The following BRINP1 variants were observed in gnomAD, a reference collection of about 807,000 sequenced individuals.
The protein encoded by BRINP1 is BMP/retinoic acid inducible neural specific 1, also known as BMP/retinoic acid-inducible neural-specific protein 1.
A neutral mutation model predicts 72.9 loss-of-function variants in BRINP1; 17 were observed. The observed-to-expected ratio is 0.23, with a 90% CI of 0.16 to 0.35. BRINP1 has a LOEUF of 0.35. BRINP1 is among the 10% of genes least tolerant of loss of function. BRINP1 has a pLI of 1.00. For missense variants in BRINP1, 850 were observed against 1,001.6 expected (o/e 0.85, Z 2.04); for synonymous variants, 418 against 378.5 (o/e 1.10, Z -1.21).
intron 1 of BRINP1, among the ~76,000 whole-genome samples, chr9:119,314,477 T>C (rs975326886): frequency 2.6e-5 from 4 of 152,210 alleles, no homozygotes; most frequent in Non-Finnish European, 5.9e-5. Flanking sequence ...GTGATTCTTC[T>C]GCCTCAGCCC....
At chr9:119,238,450 G>A (rs977503893) in intron 5 of BRINP1, among the ~76,000 whole-genome samples, 1 of 152,052 alleles carries the variant, frequency 6.6e-6, no homozygotes, top group South Asian at 2.1e-4. Context: ...TGAATTTACT[G>A]TCCTGCATAT....
chr9:119,195,196 A>C (rs546009057), intron 7 of BRINP1, among the ~76,000 whole-genome samples: 1 of 152,068 alleles, frequency 6.6e-6, no homozygotes, highest in Non-Finnish European at 1.5e-5. Flanking sequence ...GAACAGGGGC[A>C]CTCATTGTCT....
Position 119,167,082 on chromosome 9 carries a change from G to C in BRINP1, c.*2C>G. The C allele has an allele frequency of 6.3e-7, 1 of 1,593,426 alleles. No individual in the cohort carries two copies. Among genetic ancestry groups the C allele is most frequent in the Non-Finnish European group, 8.6e-7 (1 of 1,167,118 alleles). On this transcript the variant is annotated 3_prime_UTR_variant, in exon 8 of 8. Coordinates refer to ENST00000265922, the MANE Select transcript of BRINP1 (RefSeq NM_014618.3). This position sits in a 1 kb window ranked among gnomAD's most constrained non-coding sequence, Gnocchi z 4.3. Reference sequence around the variant, plus strand: ...GAAAAGTCCATGGCAAGGAGTCCCGGGTTAGCAGAGTTTGGCTGTCATCTG... The same window carrying C: ...GAAAAGTCCATGGCAAGGAGTCCCGCGTTAGCAGAGTTTGGCTGTCATCTG...
In BRINP1 at chr9:119,167,614, G is replaced by A. The variant is rs149339295; in HGVS notation, c.1756C>T (p.Arg586Cys). 12 of 1,614,112 alleles carry A rather than the reference G, an allele frequency of 7.4e-6. No individual in the cohort carries two copies. In the Admixed American group the frequency reaches 8.3e-5, roughly 11 times the overall value. ...TTTTGGAGACGGATCTTCTCCCAGC[G>A]TGGGTAGCCAAATTCCCCGAAGGGC... Reference protein sequence around the residue: ...NMPFGEFGYPRWEKIRLQNSQ... With the variant: ...NMPFGEFGYPCWEKIRLQNSQ... Residue 586 changes from arginine (R) to cysteine (C), a missense_variant, in exon 8 of 8, where the codon CGC becomes TGC. Coordinates refer to ENST00000265922, the MANE Select transcript of BRINP1 (RefSeq NM_014618.3). This position sits in a 1 kb window ranked among gnomAD's most constrained non-coding sequence, Gnocchi z 4.3.
At chr9:119,198,235 A>C (rs541505013) in intron 7 of BRINP1, among the ~76,000 whole-genome samples, 3 of 152,238 alleles carry the variant, frequency 2.0e-5, no homozygotes, top group African/African-American at 7.2e-5. Flanking sequence ...AGGATTTCCT[A>C]GTTTAACTTC....
intron 5 of BRINP1, among the ~76,000 whole-genome samples, chr9:119,224,189 T>C (rs1050804605): frequency 1.3e-5 from 2 of 152,062 alleles, no homozygotes; most frequent in African/African-American, 4.8e-5. Context: ...GAAAAAGATT[T>C]ATAAATGTAA....
intron 5 of BRINP1, among the ~76,000 whole-genome samples, chr9:119,236,476 C>T (rs1830192566): frequency 6.6e-6 from 1 of 152,318 alleles, no homozygotes; most frequent in Non-Finnish European, 1.5e-5. Context: ...CCTTAAGCTT[C>T]ATTGGCTTCA....
intron 1 of BRINP1, among the ~76,000 whole-genome samples, chr9:119,348,351 G>C (rs997683806): frequency 3.9e-5 from 6 of 152,102 alleles, no homozygotes; most frequent in African/African-American, 1.4e-4. Context: ...CAGTTTATCA[G>C]TTTACCTATT....
At chr9:119,169,725 G>T (rs1829377480) in intron 7 of BRINP1, among the ~76,000 whole-genome samples, 1 of 152,380 alleles carries the variant, frequency 6.6e-6, no homozygotes, top group Non-Finnish European at 1.5e-5. Flanking sequence ...AGACTTAAAT[G>T]TTCCTGTCTG....
At chr9:119,313,038 C>A in intron 2 of BRINP1, 100 bp downstream of exon 2, 1 of 1,368,430 alleles carries the variant, frequency 7.3e-7, no homozygotes, top group South Asian at 1.4e-5. Flanking sequence ...GACCCTTGAC[C>A]CAGACACTTC....
At chr9:119,232,384 T>C (rs890691939) in intron 5 of BRINP1, among the ~76,000 whole-genome samples, 2 of 152,192 alleles carry the variant, frequency 1.3e-5, no homozygotes, top group Admixed American at 6.5e-5. Flanking sequence ...GCTGTAGTTA[T>C]CTATTTAAAA....
At chr9:119,241,687 G>A (rs1247842058) in intron 4 of BRINP1, among the ~76,000 whole-genome samples, 2 of 152,024 alleles carry the variant, frequency 1.3e-5, no homozygotes, top group Non-Finnish European at 1.5e-5. Context: ...TAATCTAATC[G>A]CTGCTATCTC....
chr9:119,237,298 G>A (rs1588173267), intron 5 of BRINP1, among the ~76,000 whole-genome samples: 1 of 151,800 alleles, frequency 6.6e-6, no homozygotes, highest in Middle Eastern at 3.5e-3. Flanking sequence ...CGGTAACCTA[G>A]AGATCCAGAA....
intron 7 of BRINP1, among the ~76,000 whole-genome samples, chr9:119,189,518 A>C (rs1829661636): frequency 6.6e-6 from 1 of 152,158 alleles, no homozygotes. Context: ...AGGGGTTGCT[A>C]TGCTTACATT....
intron 1 of BRINP1, among the ~76,000 whole-genome samples, chr9:119,357,540 TC>T (rs2119038943): frequency 6.6e-6 from 1 of 152,302 alleles, no homozygotes; most frequent in South Asian, 2.1e-4. Context: ...AGCTAAGATT[TC>T]CTGCCGAGGC....
chr9:119,225,665 C>A (rs1830082715), intron 5 of BRINP1, among the ~76,000 whole-genome samples: 1 of 151,772 alleles, frequency 6.6e-6, no homozygotes, highest in Admixed American at 6.6e-5. Flanking sequence ...AGACTGCAAC[C>A]AGAATAGGCA....
At chr9:119,283,055 C>T in intron 2 of BRINP1, 3 of 985,414 alleles carry the variant, frequency 3.0e-6, no homozygotes, top group Non-Finnish European at 3.6e-6. Context: ...ACCAAGGATA[C>T]AGAGTTACGG....
At chr9:119,341,892 T>C (rs1475689496) in intron 1 of BRINP1, among the ~76,000 whole-genome samples, 5 of 152,124 alleles carry the variant, frequency 3.3e-5, no homozygotes, top group Admixed American at 3.3e-4. Context: ...GCCTCCCAAG[T>C]AGCTGGGACT....
chr9:119,347,804 AT>A (rs549035742), intron 1 of BRINP1, among the ~76,000 whole-genome samples: 10 of 152,020 alleles, frequency 6.6e-5, no homozygotes, highest in Middle Eastern at 3.4e-3. Context: ...TAAACCTTTT[AT>A]TTTTTTTAAG....
Sources: gnomAD v4.1 joint callset for allele counts (sites outside exome capture counted in the v4.1 genomes callset) on GRCh38, gnomAD v4.1.1 for gene constraint, Gnocchi (gnomAD v3.1) non-coding constraint, MANE v1.5 for transcripts, NCBI Gene and HGNC (gene_info 2026-07-23, HGNC 2026-07-21) for gene names.